The following TMOD1 variants were observed in gnomAD, a reference collection of about 807,000 sequenced individuals.
TMOD1 encodes tropomodulin-1.
Under a neutral mutation model 40.6 loss-of-function variants are expected in TMOD1, and 17 were observed. The observed-to-expected ratio is 0.42, with a 90% CI of 0.29 to 0.63. The LOEUF (loss-of-function observed/expected upper bound fraction) is 0.63, where lower values mean the gene tolerates loss of function less well. Ranked by LOEUF, TMOD1 falls within the 20% of genes least tolerant of loss-of-function variation. TMOD1 has a pLI of 0.22. For synonymous variants in TMOD1, 181 were observed against 175.0 expected, an observed-to-expected ratio of 1.03 and a Z score of -0.27; for missense variants, 391 against 447.6, an observed-to-expected ratio of 0.87 and a Z score of 1.14.
chr9:97,588,399 G>A (rs752204409), intron 8 of TMOD1, among the ~76,000 whole-genome samples: 11 of 152,118 alleles, frequency 7.2e-5, no homozygotes. Flanking sequence ...TTACAGAAGT[G>A]TCTATTCAAA....
At position 97,565,952 on chromosome 9, in the gene TMOD1, G is replaced by T; in HGVS notation, c.723G>T (p.Ala241=). 1 of 1,613,268 alleles carries T rather than the reference G, an allele frequency of 6.2e-7. No individual in the cohort carries two copies. The highest frequency in any genetic ancestry group is 8.5e-7 in the Non-Finnish European group (1 of 1,179,208). The change falls in exon 7 of 10, where the codon GCG becomes GCT. Residue 241 remains alanine (A), a synonymous_variant. Transcript: ENST00000259365. ...GGACACGGAGTAATGACCCCGTGGC[G>T]TATGTATGTACCTTTCTGTTCTGTT... is the stretch of plus-strand genomic sequence containing the variant. ...IVGTRSNDPV[A]YALAEMLKEN...
intron 9 of TMOD1, among the ~76,000 whole-genome samples, chr9:97,599,423 G>T (rs939369438): frequency 6.6e-6 from 1 of 152,166 alleles, no homozygotes; most frequent in Non-Finnish European, 1.5e-5. Context: ...ATCTATGAAT[G>T]AATCTCCACT....
intron 1 of TMOD1, among the ~76,000 whole-genome samples, chr9:97,503,849 G>A (rs573466036): frequency 6.6e-6 from 1 of 152,220 alleles, no homozygotes; most frequent in African/African-American, 2.4e-5. Context: ...GGCAGACAAG[G>A]TGGTCTCTAG....
intron 8 of TMOD1, among the ~76,000 whole-genome samples, chr9:97,572,547 C>A (rs1451282319): frequency 6.6e-6 from 1 of 152,106 alleles, no homozygotes; most frequent in Non-Finnish European, 1.5e-5. Context: ...GACTCAGGCT[C>A]AGGAGGAGGC....
chr9:97,540,709 CG>C lies in TMOD1; in HGVS notation c.121-5475del, dbSNP rs369542190. 5.8e-4 allele frequency among the ~76,000 whole-genome samples: 89 copies of C among 152,204 alleles called. 1 individual carries two copies. Among genetic ancestry groups the C allele is most frequent in the African/African-American group, 1.6e-3 (65 of 41,518 alleles). ...AAGGGTCATTCACGTTGTAGTACTA[CG>C]TTTTTTTTCACAGCTGATAATATTC... On this transcript the variant is annotated intron_variant, in intron 2 of 9. Transcript: ENST00000259365.
chr9:97,587,113 T>G (rs1004461818), intron 8 of TMOD1, among the ~76,000 whole-genome samples: 3 of 152,246 alleles, frequency 2.0e-5, no homozygotes, highest in Admixed American at 6.5e-5. Context: ...GTGAGTAGTA[T>G]TCCATGGTGT....
intron 5 of TMOD1, 121 bp downstream of exon 5, chr9:97,562,942 C>T (rs1321192743): frequency 4.2e-6 from 3 of 709,360 alleles, no homozygotes; most frequent in Admixed American, 7.2e-5. Context: ...TCATCCTTTC[C>T]TTTGAGTCTC....
chr9:97,564,861 G>A (rs546602780), intron 6 of TMOD1, among the ~76,000 whole-genome samples: 1 of 151,750 alleles, frequency 6.6e-6, no homozygotes, highest in African/African-American at 2.4e-5. Context: ...TCTGGGAGGG[G>A]GGTGGGGGTA....
rs145679794 is a variant in TMOD1, at chr9:97,575,884, A to C, written c.870+6847A>C. Among the ~76,000 whole-genome samples the C allele has an allele frequency of 7.5e-3, 1,145 of 152,356 alleles. 9 individuals carry two copies. The highest frequency in any genetic ancestry group is 7.5e-3 in the Non-Finnish European group (509 of 68,038). On this transcript the variant is annotated intron_variant, in intron 8 of 9. Coordinates refer to ENST00000259365, the MANE Select transcript of TMOD1 (RefSeq NM_003275.4). ...ACACACAGCTGTCACACACTGCTGA[A>C]GGGCATGCCGACTTTTACATCCTTT... is the stretch of plus-strand genomic sequence containing the variant.
Position 97,599,939 on chromosome 9 carries a change from C to G in TMOD1, c.*241C>G. 1 of 1,281,986 alleles carries G rather than the reference C, an allele frequency of 7.8e-7. No homozygotes were observed. 79.4% of individuals were successfully genotyped at this position (1,281,986 alleles called of 1,614,324 possible). Reference sequence around the variant, plus strand: ...CTGGTTATTATTTAAAAACTAGAAGCCCCCAAACCAGCAGATCTTACTGAA... The same window carrying G: ...CTGGTTATTATTTAAAAACTAGAAGGCCCCAAACCAGCAGATCTTACTGAA... On this transcript the variant is annotated 3_prime_UTR_variant, in exon 10 of 10. Coordinates refer to ENST00000259365, the MANE Select transcript of TMOD1 (RefSeq NM_003275.4).
Position 97,524,153 on chromosome 9 carries a change from A to C in TMOD1, c.-36A>C, listed in dbSNP as rs1433742399. ...GTCTTTCTGGTAGGTATTACTCAGC[A>C]CAGAAATTCAGGAGACACAGACAAG... On this transcript the variant is annotated 5_prime_UTR_variant, in exon 2 of 10. Coordinates refer to ENST00000259365, the MANE Select transcript of TMOD1 (RefSeq NM_003275.4). 18 of 1,608,400 alleles carry C rather than the reference A, an allele frequency of 1.1e-5. No homozygotes were observed. The highest frequency in any genetic ancestry group is 1.5e-5 in the Non-Finnish European group (18 of 1,177,612).
intron 2 of TMOD1, among the ~76,000 whole-genome samples, chr9:97,542,249 A>G (rs10982622): frequency 0.5 from 75,281 of 152,030 alleles, 18,984 homozygotes; most frequent in East Asian, 0.66. Flanking sequence ...ACTGACAATC[A>G]TGTGATATTT....
intron 8 of TMOD1, among the ~76,000 whole-genome samples, chr9:97,586,864 T>C (rs1825887279): frequency 6.6e-6 from 1 of 152,220 alleles, no homozygotes; most frequent in Non-Finnish European, 1.5e-5. Context: ...CTGCTTCGGC[T>C]CGCGCACGGT....
At chr9:97,578,217 A>G (rs1053540535) in intron 8 of TMOD1, among the ~76,000 whole-genome samples, 1 of 152,098 alleles carries the variant, frequency 6.6e-6, no homozygotes, top group African/African-American at 2.4e-5. Context: ...CACCATGCCC[A>G]GATAATTTTT....
intron 4 of TMOD1, among the ~76,000 whole-genome samples, chr9:97,558,652 C>T (rs1047948965): frequency 3.3e-5 from 5 of 152,144 alleles, no homozygotes; most frequent in Non-Finnish European, 7.3e-5. Flanking sequence ...CCATGTTGGC[C>T]AGGCTGGTCT....
chr9:97,534,154 T>C (rs532138272), intron 2 of TMOD1, among the ~76,000 whole-genome samples: 84 of 152,324 alleles, frequency 5.5e-4, no homozygotes, highest in Admixed American at 5.9e-4. Context: ...TGACTCAACC[T>C]AGCTGCAAGG....
chr9:97,588,061 A>C (rs962930832), intron 8 of TMOD1, among the ~76,000 whole-genome samples: 1 of 152,240 alleles, frequency 6.6e-6, no homozygotes, highest in Non-Finnish European at 1.5e-5. Context: ...TGTTATGAGC[A>C]TTCATGAACA....
chr9:97,599,698 G>A lies in TMOD1; in HGVS notation c.1080G>A (p.Ter360=). 1 of 1,614,178 alleles carries A rather than the reference G, an allele frequency of 6.2e-7. No homozygotes were observed. The highest frequency in any genetic ancestry group is 1.3e-5 in the African/African-American group (1 of 75,056). The change falls in exon 10 of 10, where the codon TAG becomes TAA. Residue 360 remains the stop codon, a stop_retained_variant. Coordinates refer to ENST00000259365, the MANE Select transcript of TMOD1 (RefSeq NM_003275.4). ...PIIPKCRSGV[*] ...TTCCCAAGTGCCGGAGTGGTGTCTA[G>A]TGTGTGGCGGTGGAGTCCATGCCTT...
Position 97,600,221 on chromosome 9 carries a change from A to ACACAATT in TMOD1, c.*524_*530dup. 1.0e-6 allele frequency: 1 copy of ACACAATT among 994,114 alleles called. No individual in the cohort carries two copies. Among genetic ancestry groups the ACACAATT allele is most frequent in the Non-Finnish European group, 1.2e-6 (1 of 834,276 alleles). 61.6% of individuals were successfully genotyped at this position (994,114 alleles called of 1,614,324 possible). ...TGCCAAATTGATTACTGGATCCAGA[A>ACACAATT]CACAATTTTCCCCTCAGAACAGATA... On this transcript the variant is annotated 3_prime_UTR_variant, in exon 10 of 10. Coordinates refer to ENST00000259365, the MANE Select transcript of TMOD1 (RefSeq NM_003275.4).
Sources: allele counts gnomAD v4.1 joint callset (sites outside exome capture counted in the v4.1 genomes callset), GRCh38; gene constraint gnomAD v4.1.1; transcripts MANE v1.5; gene names NCBI Gene and HGNC (gene_info 2026-07-23, HGNC 2026-07-21).